FSIP2: variants seen among roughly 807,000 people sequenced by gnomAD.
FSIP2 encodes the protein fibrous sheath interacting protein 2.
In FSIP2, 367 loss-of-function variants were observed where a neutral mutation model predicts 510.5. The observed-to-expected ratio is 0.72, with a 90% CI of 0.66 to 0.78. FSIP2 has a LOEUF of 0.78. Among genes scored for constraint, FSIP2 ranks in the 30% least tolerant of loss-of-function variants. The probability of loss-of-function intolerance (pLI) is 0.00; values close to 1 mark genes in which losing one functional copy is unlikely to be tolerated. For missense variants in FSIP2, 7,594 were observed against 7,901.7 expected (o/e 0.96, Z 1.48); for synonymous variants, 2,601 against 2,732.2 (o/e 0.95, Z 1.50).
rs1242582585 is a variant in FSIP2, at chr2:185,804,278, C to A, written c.14972C>A (p.Ser4991Ter). Reference protein sequence around the residue: ...LTRIVTTLVNSIVLEFTTSEI... With the variant: ...LTRIVTTLVN ...AGGATTGTTACAACATTGGTAAATT[C>A]AATTGTTCTGGAGTTCACCACATCA... Residue 4991 changes from serine (S) to a stop codon, truncating the protein, a stop_gained, in exon 17 of 23, where the codon TCA (serine) becomes TAA (stop). Coordinates refer to ENST00000424728, the MANE Select transcript of FSIP2 (RefSeq NM_173651.4). LOFTEE classifies it high-confidence loss of function. 10 of 1,528,130 alleles carry A rather than the reference C, an allele frequency of 6.5e-6. No homozygotes were observed. The highest frequency in any genetic ancestry group is 8.7e-6 in the Non-Finnish European group (10 of 1,143,116). 94.7% of individuals were successfully genotyped at this position (1,528,130 alleles called of 1,614,324 possible).
intron 13 of FSIP2, among the ~76,000 whole-genome samples, chr2:185,774,512 T>C (rs62199142): frequency 0.31 from 47,431 of 151,738 alleles, 7,673 homozygotes; most frequent in Middle Eastern, 0.4. Flanking sequence ...TCTAATTTTC[T>C]GATTGATTAT....
Position 185,789,852 on chromosome 2 carries a change from G to A in FSIP2, c.2716G>A (p.Glu906Lys). 1 of 1,531,122 alleles carries A rather than the reference G, an allele frequency of 6.5e-7. No homozygotes were observed. Among genetic ancestry groups the A allele is most frequent in the South Asian group, 1.2e-5 (1 of 83,886 alleles). 94.8% of individuals were successfully genotyped at this position (1,531,122 alleles called of 1,614,324 possible). A position where few individuals can be genotyped will look rare whatever the true frequency, so the allele number is the denominator to read the frequency against. Residue 906 changes from glutamate to lysine, a missense_variant, in exon 16 of 23, where the codon GAG becomes AAG. Physicochemically the swap from Glu to Lys is moderately conservative, Grantham distance 56. Coordinates refer to ENST00000424728, the MANE Select transcript of FSIP2 (RefSeq NM_173651.4). ...FSQSSLVAYI[E>K]EAINAILGYI... Reference sequence around the variant, plus strand: ...CCAGTCTTCTTTGGTTGCTTATATAGAGGAAGCAATCAATGCTATACTAGG... The same window carrying A: ...CCAGTCTTCTTTGGTTGCTTATATAAAGGAAGCAATCAATGCTATACTAGG...
intron 7 of FSIP2, among the ~76,000 whole-genome samples, chr2:185,752,481 A>G (rs1165711395): frequency 6.6e-6 from 1 of 151,204 alleles, no homozygotes; most frequent in African/African-American, 2.4e-5. Flanking sequence ...TCAAATTTGA[A>G]ACATTTTAGG....
rs1574161035 is a variant in FSIP2, at chr2:185,761,869, AG to A, written c.1195-100del. On this transcript the variant is annotated intron_variant, in intron 10 of 22. Transcript: ENST00000424728. ...GTTTTTATGAGTTACTGGTTAAAAGAGGGAAAACATCTGTATTCATTGGTTA... is the reference window on the plus strand; with the variant it reads ...GTTTTTATGAGTTACTGGTTAAAAGAGGAAAACATCTGTATTCATTGGTTA... The A allele has an allele frequency of 1.0e-5, 6 of 575,040 alleles. No individual in the cohort carries two copies. The East Asian group carries it at 1.8e-4, about 17-fold the overall frequency. 35.6% of individuals were successfully genotyped at this position (575,040 alleles called of 1,614,324 possible). A position where few individuals can be genotyped will look rare whatever the true frequency, so the allele number is the denominator to read the frequency against.
rs773711098 is a variant in FSIP2 at position 185,805,774 on chromosome 2, C to G, written c.16468C>G (p.Pro5490Ala). The change falls in exon 17 of 23, where the codon CCA (proline) becomes GCA (alanine). Residue 5490 changes from proline to alanine, a missense_variant. Physicochemically the swap from Pro to Ala is conservative, Grantham distance 27 (BLOSUM62 -1). Coordinates refer to ENST00000424728, the MANE Select transcript of FSIP2 (RefSeq NM_173651.4). ...TSVKKGDIQN[P>A]VLSSINAIMK... ...AGTGAAAAAAGGTGACATCCAAAAT[C>G]CAGTACTTAGCTCTATAAATGCAAT... 2 of 1,602,820 alleles carry G rather than the reference C, an allele frequency of 1.2e-6. No homozygotes were observed. The highest frequency in any genetic ancestry group is 1.7e-4 in the Middle Eastern group (1 of 5,978).
intron 17 of FSIP2, among the ~76,000 whole-genome samples, chr2:185,811,314 C>T (rs1298877843): frequency 1.3e-5 from 2 of 151,654 alleles, no homozygotes; most frequent in African/African-American, 4.8e-5. Context: ...ACTAAAAATA[C>T]AAAAATTAGC....
At position 185,755,486 on chromosome 2, in the gene FSIP2, G is replaced by T. The variant is rs560745000; in HGVS notation, c.992-706G>T. On this transcript the variant is annotated intron_variant, in intron 8 of 22. Coordinates refer to ENST00000424728, the MANE Select transcript of FSIP2 (RefSeq NM_173651.4). ...TACACTGTTGAAGAAGAAGTAGTAT[G>T]AAAATGAGTTTAATTTATATTATCA... Among the ~76,000 whole-genome samples, 66 of 151,668 alleles carry T rather than the reference G, an allele frequency of 4.4e-4. 1 individual carries two copies. The South Asian group carries it at 0.013, about 30-fold the overall frequency.
rs1322474653 is a variant in FSIP2, at chr2:185,804,817, C to T, written c.15511C>T (p.Arg5171Ter). The change falls in exon 17 of 23, where the codon CGA becomes TGA. Residue 5171 changes from arginine to a stop codon, truncating the protein, a stop_gained. Transcript: ENST00000424728. LOFTEE classifies it high-confidence loss of function. ...AAAAGAAATTTCTGAACATGAGATT[C>T]GACTTTCCATGGCAGAGGATAATGC... ...IIKEISEHEI[R>*]LSMAEDNAES... is the part of the protein sequence containing the mutation. 7.8e-6 allele frequency: 12 copies of T among 1,532,624 alleles called. No individual in the cohort carries two copies. The highest frequency in any genetic ancestry group is 3.3e-4 in the Middle Eastern group (2 of 5,986). The allele number at this position is 1,532,624 out of a possible 1,614,324, so 94.9% of individuals were successfully genotyped here.
rs1211048037 is a variant in FSIP2, at chr2:185,800,653, ACAT to A, written c.11350_11352del (p.Ser3784del). On this transcript the variant is annotated inframe_deletion, in exon 17 of 23. Coordinates refer to ENST00000424728, the MANE Select transcript of FSIP2 (RefSeq NM_173651.4). ...TGATAAAGGGTCTGTTTCAGAGGAA[ACAT>A]CAGCAGAAGAATGTCAACTTTTAAA... The A allele has an allele frequency of 3.3e-6, 5 of 1,534,158 alleles. No individual in the cohort carries two copies. The highest frequency in any genetic ancestry group is 1.7e-4 in the Middle Eastern group (1 of 5,972).
intron 20 of FSIP2, 29 bp from the exon 21 acceptor site, chr2:185,828,127 T>C (rs768455999): frequency 7.4e-7 from 1 of 1,343,952 alleles, no homozygotes; most frequent in South Asian, 1.2e-5. Context: ...AAAGAGACTA[T>C]TTTACTTTTT....
At chr2:185,767,237 G>T (rs1237116930) in intron 13 of FSIP2, among the ~76,000 whole-genome samples, 14 of 149,618 alleles carry the variant, frequency 9.4e-5, no homozygotes, top group Non-Finnish European at 1.5e-4. Context: ...GTTAGTGGGT[G>T]CAGCGCACCA....
intron 7 of FSIP2, among the ~76,000 whole-genome samples, chr2:185,751,164 T>C (rs1692139026): frequency 6.6e-6 from 1 of 151,542 alleles, no homozygotes; most frequent in Non-Finnish European, 1.5e-5. Flanking sequence ...GTTCTCTCAA[T>C]TATTGAGAGA....
intron 19 of FSIP2, among the ~76,000 whole-genome samples, chr2:185,823,183 C>G (rs2105681921): frequency 6.6e-6 from 1 of 151,906 alleles, no homozygotes; most frequent in Middle Eastern, 3.4e-3. Flanking sequence ...GATACCAAAG[C>G]ACAAGCAAGA....
Position 185,829,991 on chromosome 2 carries a change from T to G in FSIP2, c.20517+1792T>G, listed in dbSNP as rs1694078438. On this transcript the variant is annotated intron_variant, in intron 21 of 22. Coordinates refer to ENST00000424728, the MANE Select transcript of FSIP2 (RefSeq NM_173651.4). ...GACAAAAGTCTTTGAGAACCTGAAC[T>G]GCATTCTTAATAGTAGTGCACACAT... Among the ~76,000 whole-genome samples the G allele has an allele frequency of 3.9e-5, 6 of 152,018 alleles. No homozygotes were observed. The South Asian group carries it at 1.2e-3, about 31-fold the overall frequency.
Position 185,794,508 on chromosome 2 carries a change from A to G in FSIP2, c.7372A>G (p.Asn2458Asp). The change falls in exon 16 of 23, where the codon AAC (asparagine) becomes GAC (aspartate). Residue 2458 changes from asparagine to aspartate, a missense_variant. Physicochemically the swap from Asn to Asp is conservative, Grantham distance 23. Transcript: ENST00000424728. ...AGAGCAAAACCAAATGATATTGGAA[A>G]ACAAAAGGCAGATAATTGTTTTGGA... is the stretch of plus-strand genomic sequence containing the variant. ...PLEQNQMILE[N>D]KRQIIVLEEI... The G allele has an allele frequency of 6.6e-7, 1 of 1,523,704 alleles. No homozygotes were observed. The highest frequency in any genetic ancestry group is 1.2e-5 in the South Asian group (1 of 81,124). 94.4% of individuals were successfully genotyped at this position (1,523,704 alleles called of 1,614,324 possible).
chr2:185,769,149 C>G (rs1449702919), intron 13 of FSIP2, among the ~76,000 whole-genome samples: 1 of 152,058 alleles, frequency 6.6e-6, no homozygotes, highest in Non-Finnish European at 1.5e-5. Context: ...GGGTATATAG[C>G]CAGTAATGGG....
intron 13 of FSIP2, among the ~76,000 whole-genome samples, chr2:185,771,543 C>G (rs1444488785): frequency 6.6e-6 from 1 of 152,156 alleles, no homozygotes; most frequent in Non-Finnish European, 1.5e-5. Context: ...GCTGGAGTGG[C>G]CAGGATGTGA....
At chr2:185,819,762 G>A (rs1693882172) in intron 19 of FSIP2, among the ~76,000 whole-genome samples, 2 of 151,764 alleles carry the variant, frequency 1.3e-5, no homozygotes, top group Admixed American at 6.6e-5. Context: ...TAGTGTATGT[G>A]TTCTGAGCAC....
chr2:185,776,685 T>C (rs1451064666), intron 13 of FSIP2, among the ~76,000 whole-genome samples: 3 of 152,134 alleles, frequency 2.0e-5, no homozygotes, highest in African/African-American at 7.2e-5. Context: ...TTTTAAGTGT[T>C]TTATGGATAT....
Sources: gnomAD v4.1 joint callset for allele counts (sites outside exome capture counted in the v4.1 genomes callset) on GRCh38, gnomAD v4.1.1 for gene constraint, MANE v1.5 for transcripts, NCBI Gene and HGNC (gene_info 2026-07-23, HGNC 2026-07-21) for gene names.